Variants in OTUB1 observed in about 807,000 individuals in gnomAD.
The protein encoded by OTUB1 is ubiquitin thioesterase OTUB1.
Under a neutral mutation model 35.8 loss-of-function variants are expected in OTUB1, and 10 were observed. The observed-to-expected ratio is 0.28, with a 90% CI of 0.17 to 0.47. The LOEUF (loss-of-function observed/expected upper bound fraction) is 0.47. Ranked by LOEUF, OTUB1 falls within the 20% of genes least tolerant of loss-of-function variation. The probability of loss-of-function intolerance (pLI) is 0.99; values close to 1 mark genes in which losing one functional copy is unlikely to be tolerated. For missense variants in OTUB1, 264 were observed against 351.6 expected, an observed-to-expected ratio of 0.75 and a Z score of 1.99; for synonymous variants, 158 against 143.8, an observed-to-expected ratio of 1.10 and a Z score of -0.71.
Position 63,997,724 on chromosome 11 carries a change from T to C in OTUB1, c.*178T>C, listed in dbSNP as rs1257548634. On this transcript the variant is annotated 3_prime_UTR_variant, in exon 7 of 7. Coordinates refer to ENST00000538426, the MANE Select transcript of OTUB1 (RefSeq NM_017670.3). ...GTGAGCCGTGTGTGCGTGTCCCTGCTCTGCTGCCCGCCTGGCTGCTCTGTC... is the reference window on the plus strand; with the variant it reads ...GTGAGCCGTGTGTGCGTGTCCCTGCCCTGCTGCCCGCCTGGCTGCTCTGTC... The C allele has an allele frequency of 2.8e-6, 2 of 709,594 alleles. No homozygotes were observed. Among genetic ancestry groups the C allele is most frequent in the Admixed American group, 4.0e-5 (2 of 50,020 alleles). The allele number at this position is 709,594 out of a possible 1,614,324, so 44.0% of individuals were successfully genotyped here. A position where few individuals can be genotyped will look rare whatever the true frequency, so the allele number is the denominator to read the frequency against.
chr11:63,989,810 G>A (rs1942654376), intron 3 of OTUB1: 1 of 151,528 alleles, frequency 6.6e-6, no homozygotes, highest in Non-Finnish European at 1.5e-5. Context: ...CGGATCACGA[G>A]GTCAGGAGAT....
intron 3 of OTUB1, chr11:63,990,090 A>G (rs1466849929): frequency 2.0e-5 from 3 of 151,586 alleles, no homozygotes; most frequent in Non-Finnish European, 4.4e-5. Flanking sequence ...GGAGCTGATG[A>G]TCTCGGTGCC....
intron 3 of OTUB1, 102 bp from the exon 4 acceptor site, chr11:63,996,428 C>G: frequency 7.6e-7 from 1 of 1,310,326 alleles, no homozygotes. Context: ...GCTGGGAGCT[C>G]AGTTGCCACC....
chr11:63,991,944 G>A (rs1433072917), intron 3 of OTUB1, among the ~76,000 whole-genome samples: 5 of 152,194 alleles, frequency 3.3e-5, no homozygotes, highest in African/African-American at 1.2e-4. Context: ...GGGGCCGGGC[G>A]TGGTGGCTCA....
At chr11:63,987,743 G>A (rs320113) in intron 1 of OTUB1, among the ~76,000 whole-genome samples, 1 of 152,098 alleles carries the variant, frequency 6.6e-6, no homozygotes. Context: ...TGAAGGCGGT[G>A]ATGGAGTAAA....
chr11:63,997,462 C>T lies in OTUB1; in HGVS notation c.732C>T (p.Thr244=). The T allele has an allele frequency of 6.2e-7, 1 of 1,614,166 alleles. No homozygotes were observed. The highest frequency in any genetic ancestry group is 1.1e-5 in the South Asian group (1 of 91,090). ...EYMDRGEGGT[T]NPHIFPEGSE... is the part of the protein sequence containing the mutation. Reference sequence around the variant, plus strand: ...TGGACCGCGGCGAGGGCGGCACCACCAATCCGCACATCTTCCCTGAGGGCT... The same window carrying T: ...TGGACCGCGGCGAGGGCGGCACCACTAATCCGCACATCTTCCCTGAGGGCT... The change falls in exon 7 of 7, where the codon ACC becomes ACT. Residue 244 remains threonine, a synonymous_variant. Coordinates refer to ENST00000538426, the MANE Select transcript of OTUB1 (RefSeq NM_017670.3).
chr11:63,987,825 C>T (rs920961169), intron 1 of OTUB1, among the ~76,000 whole-genome samples: 3 of 152,190 alleles, frequency 2.0e-5, no homozygotes, highest in Non-Finnish European at 2.9e-5. Flanking sequence ...CAAGAGACCA[C>T]GCCTGGCCCC....
intron 3 of OTUB1, among the ~76,000 whole-genome samples, chr11:63,991,174 C>G (rs1305902296): frequency 6.6e-6 from 1 of 150,830 alleles, no homozygotes; most frequent in Non-Finnish European, 1.5e-5. Flanking sequence ...CACCCTGAAG[C>G]TCTTGGATCC....
At chr11:63,991,704 G>A (rs1942674317) in intron 3 of OTUB1, among the ~76,000 whole-genome samples, 1 of 152,230 alleles carries the variant, frequency 6.6e-6, no homozygotes, top group Admixed American at 6.5e-5. Flanking sequence ...AGTAGCAGTG[G>A]TGATTTGGGT....
chr11:63,988,220 G>A (rs1186580469), intron 1 of OTUB1, 117 bp from the exon 2 acceptor site: 2 of 760,598 alleles, frequency 2.6e-6, no homozygotes, highest in East Asian at 5.5e-5. Context: ...TAACATACCT[G>A]CTTCCAGATT....
Position 63,997,387 on chromosome 11 carries a change from C to T in OTUB1, c.657C>T (p.His219=). Residue 219 remains histidine (H), a synonymous_variant, in exon 7 of 7, where the codon CAC becomes CAT. Transcript: ENST00000538426. The stretch of plus-strand genomic sequence containing the variant: ...TGTGCAAGGAGAGCGACCACATCCA[C>T]ATCATTGCGCTGGCCCAGGCCCTCA... ...EPMCKESDHI[H]IIALAQALSV... 5 of 1,614,092 alleles carry T rather than the reference C, an allele frequency of 3.1e-6. No individual in the cohort carries two copies. The highest frequency in any genetic ancestry group is 4.2e-6 in the Non-Finnish European group (5 of 1,180,010).
At chr11:63,990,597 A>AAATAAAAAATAAAT (rs1555002840) in intron 3 of OTUB1, 1 of 144,834 alleles carries the variant, frequency 6.9e-6, no homozygotes, top group African/African-American at 2.7e-5. Flanking sequence ...AAAAAATAAA[A>AAATAAAAAATAAAT]AAATAAATAA....
intron 3 of OTUB1, chr11:63,990,589 A>AAAAAAAAAAAAAAAAT (rs1406618295): frequency 8.7e-5 from 12 of 137,172 alleles, no homozygotes; most frequent in Admixed American, 3.5e-4. Context: ...GTCTCTTAAA[A>AAAAAAAAAAAAAAAAT]AAATAAAAAA....
At chr11:63,986,729 A>T (rs1387076511) in intron 1 of OTUB1, 2 of 536,236 alleles carry the variant, frequency 3.7e-6, no homozygotes, top group Non-Finnish European at 6.5e-6. Flanking sequence ...AGGCGGGCCA[A>T]GGCCCGCGGC....
intron 3 of OTUB1, among the ~76,000 whole-genome samples, chr11:63,991,367 C>T (rs1411686169): frequency 6.6e-6 from 1 of 152,190 alleles, no homozygotes; most frequent in Admixed American, 6.5e-5. Flanking sequence ...CATGCCAAGG[C>T]CTGCCGCTCA....
chr11:63,996,620 C>T lies in OTUB1; in HGVS notation c.310C>T (p.Leu104=), dbSNP rs1216858390. 1.2e-6 allele frequency: 2 copies of T among 1,614,230 alleles called. No individual in the cohort carries two copies. The highest frequency in any genetic ancestry group is 1.7e-6 in the Non-Finnish European group (2 of 1,180,046). The change falls in exon 4 of 7, where the codon CTG becomes TTG. Residue 104 remains leucine (L), a synonymous_variant. Transcript: ENST00000538426. ...RAFGFSHLEA[L]LDDSKELQRF... ...TTTCGGATTCTCCCACTTGGAGGCA[C>T]TGCTGGATGACAGCAAGGAGTTGCA...
intron 5 of OTUB1, 25 bp downstream of exon 5, chr11:63,996,966 C>T: frequency 1.2e-6 from 2 of 1,613,700 alleles, no homozygotes; most frequent in Non-Finnish European, 1.7e-6. Context: ...CTGTCTTGGG[C>T]TGGGCCATGG....
rs373817757 is a variant in OTUB1, at chr11:63,997,271, G to A, written c.618+27G>A. The A allele has an allele frequency of 1.8e-4, 288 of 1,611,234 alleles. 2 individuals are homozygous for A. Among genetic ancestry groups the A allele is most frequent in the Non-Finnish European group, 6.8e-5 (80 of 1,177,890 alleles). ...TGCCGTCCCCCTCCCCTTTACTCTC[G>A]GCCGGGGGAGTGCAGTGGGCCCACA... On this transcript the variant is annotated intron_variant, in intron 6 of 6. Transcript: ENST00000538426.
intron 3 of OTUB1, among the ~76,000 whole-genome samples, chr11:63,991,201 G>A (rs772257372): frequency 6.6e-6 from 1 of 152,180 alleles, no homozygotes; most frequent in Non-Finnish European, 1.5e-5. Context: ...CTCTCTGGGC[G>A]GGGACATTGT....
Sources: gnomAD v4.1 joint callset for allele counts (sites outside exome capture counted in the v4.1 genomes callset) on GRCh38, gnomAD v4.1.1 for gene constraint, MANE v1.5 for transcripts, NCBI Gene and HGNC (gene_info 2026-07-23, HGNC 2026-07-21) for gene names.